Variants in AOPEP observed in about 807,000 individuals in gnomAD.
The protein encoded by AOPEP is aminopeptidase O.
In AOPEP, 77 loss-of-function variants were observed where a neutral mutation model predicts 98.1. That is an observed-to-expected ratio of 0.78 (90% confidence interval 0.65 to 0.95). AOPEP has a LOEUF of 0.95. Among genes scored for constraint, AOPEP ranks in the 40% least tolerant of loss-of-function variants. The pLI is 0.00. For synonymous variants in AOPEP, 346 were observed against 365.3 expected, an observed-to-expected ratio of 0.95 and a Z score of 0.60; for missense variants, 1,024 against 1,024.7, an observed-to-expected ratio of 1.00 and a Z score of 0.01.
At position 94,776,187 on chromosome 9, in the gene AOPEP, G is replaced by A. The variant is rs531385039; in HGVS notation, c.964+3019G>A. On this transcript the variant is annotated intron_variant, in intron 3 of 16. Coordinates refer to ENST00000375315, the MANE Select transcript of AOPEP (RefSeq NM_001193329.3). Reference sequence around the variant, plus strand: ...AATAATATGTTTTTTCTCTTTTGTTGTACAAATTGTAGCATGCTAGACACA... The same window carrying A: ...AATAATATGTTTTTTCTCTTTTGTTATACAAATTGTAGCATGCTAGACACA... Among the ~76,000 whole-genome samples the A allele has an allele frequency of 4.6e-5, 7 of 152,072 alleles. No individual in the cohort carries two copies. The East Asian group carries it at 1.2e-3, about 25-fold the overall frequency.
At chr9:95,092,447 C>T in the AOPEP span, among the ~76,000 whole-genome samples, 15 of 152,204 alleles carry the variant, frequency 9.9e-5, no homozygotes, top group African/African-American at 2.9e-4. Flanking sequence ...AGGCTCCCCA[C>T]CTGGGAGAGG....
In AOPEP at chr9:94,728,295, A is replaced by G. The variant is rs567467109; in HGVS notation, c.-136+1544A>G. 4.6e-5 allele frequency among the ~76,000 whole-genome samples: 7 copies of G among 151,404 alleles called. No homozygotes were observed. The South Asian group carries it at 1.5e-3, about 32-fold the overall frequency. Reference sequence around the variant, plus strand: ...CACCATCCTTATTTTTAAGAATGAGATAAATGGCAAACAAGATTGTGCAGT... The same window carrying G: ...CACCATCCTTATTTTTAAGAATGAGGTAAATGGCAAACAAGATTGTGCAGT... On this transcript the variant is annotated intron_variant, in intron 1 of 16. Transcript: ENST00000375315.
intron 5 of AOPEP, among the ~76,000 whole-genome samples, chr9:94,848,849 G>A (rs1325576669): frequency 6.6e-6 from 1 of 152,022 alleles, no homozygotes; most frequent in Non-Finnish European, 1.5e-5. Flanking sequence ...GAGTGCAATG[G>A]CACTGCAGCC....
chr9:94,898,809 G>A (rs535145148), intron 5 of AOPEP, among the ~76,000 whole-genome samples: 31 of 151,602 alleles, frequency 2.0e-4, no homozygotes, highest in African/African-American at 7.3e-4. Context: ...AGGGCGTGGT[G>A]GCAGGCGCTT....
intron 5 of AOPEP, among the ~76,000 whole-genome samples, chr9:94,868,479 G>T (rs2045955798): frequency 6.6e-6 from 1 of 152,200 alleles, no homozygotes; most frequent in East Asian, 1.9e-4. Context: ...TTGTTCATGG[G>T]CATTTTGACT....
chr9:94,829,271 GGC>G (rs1855410534), intron 5 of AOPEP, among the ~76,000 whole-genome samples: 1 of 151,744 alleles, frequency 6.6e-6, no homozygotes, highest in African/African-American at 2.4e-5. Flanking sequence ...AAGCTAGCTA[GGC>G]CTGTTTATTA....
At chr9:95,129,143 A>C in the AOPEP span, among the ~76,000 whole-genome samples, 1 of 152,132 alleles carries the variant, frequency 6.6e-6, no homozygotes, top group East Asian at 1.9e-4. Context: ...CCTCACTGAA[A>C]AAAAAGAAAA....
At chr9:94,958,032 T>A (rs1339326067) in intron 9 of AOPEP, among the ~76,000 whole-genome samples, 1 of 152,180 alleles carries the variant, frequency 6.6e-6, no homozygotes, top group African/African-American at 2.4e-5. Flanking sequence ...TAATATTTCA[T>A]CATGATAACC....
At chr9:94,755,745 C>T (rs563050969) in intron 1 of AOPEP, among the ~76,000 whole-genome samples, 1 of 152,192 alleles carries the variant, frequency 6.6e-6, no homozygotes, top group African/African-American at 2.4e-5. Context: ...ATGAGAATTC[C>T]AAGGAAAAGC....
chr9:94,768,513 C>T (rs963448017), intron 2 of AOPEP, among the ~76,000 whole-genome samples: 11 of 152,202 alleles, frequency 7.2e-5, no homozygotes, highest in African/African-American at 2.7e-4. Flanking sequence ...GACCTCTTAC[C>T]TTGAAAGGCA....
chr9:94,870,282 G>A (rs896956138), intron 5 of AOPEP, among the ~76,000 whole-genome samples: 3 of 152,202 alleles, frequency 2.0e-5, no homozygotes, highest in East Asian at 1.9e-4. Context: ...GAGCCACCGC[G>A]CCCAGCTGAA....
chr9:95,002,281 A>C (rs961169763), intron 11 of AOPEP, among the ~76,000 whole-genome samples: 1 of 152,124 alleles, frequency 6.6e-6, no homozygotes, highest in African/African-American at 2.4e-5. Flanking sequence ...CATTCACTAT[A>C]TAACATATTT....
At chr9:94,795,528 A>G (rs1050520525) in intron 4 of AOPEP, among the ~76,000 whole-genome samples, 2 of 152,212 alleles carry the variant, frequency 1.3e-5, no homozygotes, top group African/African-American at 2.4e-5. Context: ...AGGCCTCAGC[A>G]TTGATTGATT....
chr9:95,150,126 G>A, the AOPEP span: 1 of 1,609,228 alleles, frequency 6.2e-7, no homozygotes, highest in Non-Finnish European at 8.5e-7. Flanking sequence ...AAATCTAAGA[G>A]CCATGCATAA....
chr9:94,792,101 C>G (rs1845857522), intron 3 of AOPEP, among the ~76,000 whole-genome samples: 2 of 152,232 alleles, frequency 1.3e-5, no homozygotes, highest in African/African-American at 4.8e-5. Flanking sequence ...GGTCCTGTTA[C>G]AAACTAGTTA....
At chr9:94,928,594 C>T (rs1361743305) in intron 7 of AOPEP, 63 bp downstream of exon 7, 1 of 1,153,054 alleles carries the variant, frequency 8.7e-7, no homozygotes, top group Non-Finnish European at 1.3e-6. Flanking sequence ...AAGACACCTC[C>T]CTGCCAACTG....
At chr9:94,820,371 C>T (rs538369280) in intron 5 of AOPEP, among the ~76,000 whole-genome samples, 2 of 152,238 alleles carry the variant, frequency 1.3e-5, no homozygotes, top group African/African-American at 4.8e-5. Flanking sequence ...GCCAATTAGA[C>T]GATACATATT....
intron 14 of AOPEP, among the ~76,000 whole-genome samples, chr9:95,075,559 G>T (rs1024315376): frequency 3.3e-5 from 5 of 152,124 alleles, no homozygotes; most frequent in African/African-American, 1.2e-4. Flanking sequence ...AATATGAATA[G>T]ACAGTTACTA....
At position 94,967,742 on chromosome 9, in the gene AOPEP, C is replaced by CT; in HGVS notation, c.1873-9dup. The CT allele has an allele frequency of 6.2e-7, 1 of 1,609,980 alleles. No homozygotes were observed. The highest frequency in any genetic ancestry group is 8.5e-7 in the Non-Finnish European group (1 of 1,176,302). The stretch of plus-strand genomic sequence containing the variant: ...ATTGATGGACATCTTTAATGATTTG[C>CT]TTTTTTTAATCCCAGGATTTCCTTC... On this transcript the variant is annotated splice_polypyrimidine_tract_variant and intron_variant, in intron 9 of 16. Transcript: ENST00000375315.
Sources: allele counts gnomAD v4.1 joint callset (sites outside exome capture counted in the v4.1 genomes callset), GRCh38; gene constraint gnomAD v4.1.1; transcripts MANE v1.5; gene names NCBI Gene and HGNC (gene_info 2026-07-23, HGNC 2026-07-21).